The following CLMP variants were observed in gnomAD, a reference collection of about 807,000 sequenced individuals.
CLMP encodes CXADR-like membrane protein.
A neutral mutation model predicts 45.2 loss-of-function variants in CLMP; 27 were observed. The observed-to-expected ratio is 0.60, with a 90% CI of 0.44 to 0.82. CLMP has a LOEUF of 0.82. CLMP is among the 40% of genes least tolerant of loss of function. The pLI, the probability that CLMP is intolerant of heterozygous loss-of-function variation, is 0.00. For missense variants in CLMP, 403 were observed against 448.4 expected (o/e 0.90, Z 0.91); for synonymous variants, 167 against 171.4 (o/e 0.97, Z 0.20).
At chr11:123,129,926 T>TTC (rs976716293) in intron 1 of CLMP, among the ~76,000 whole-genome samples, 1 of 151,374 alleles carries the variant, frequency 6.6e-6, no homozygotes, top group Non-Finnish European at 1.5e-5. Flanking sequence ...ACTTTTTTTT[T>TTC]TTCCTGGAGG....
chr11:123,078,638 G>T (rs796149014), intron 5 of CLMP, among the ~76,000 whole-genome samples: 214 of 142,916 alleles, frequency 1.5e-3, no homozygotes, highest in Middle Eastern at 3.6e-3. Flanking sequence ...TGTTTTTTTT[G>T]GTTTTTTTTG....
Position 123,112,710 on chromosome 11 carries a change from A to C in CLMP, c.29-14758T>G, listed in dbSNP as rs374108415. Among the ~76,000 whole-genome samples the C allele has an allele frequency of 7.9e-5, 12 of 151,482 alleles. No individual in the cohort carries two copies. The East Asian group carries it at 2.4e-3, about 30-fold the overall frequency. On this transcript the variant is annotated intron_variant, in intron 1 of 6. Coordinates refer to ENST00000448775, the MANE Select transcript of CLMP (RefSeq NM_024769.5). ...AAGTTATTTACATTCTCTTATTGTC[A>C]CTGGGGATCTGAAATCACGGCAAAA...
intron 1 of CLMP, among the ~76,000 whole-genome samples, chr11:123,103,700 TTTTCTTTC>T (rs780440541): frequency 9.9e-5 from 15 of 151,286 alleles, no homozygotes; most frequent in Non-Finnish European, 1.5e-5. Context: ...GTCCCTTTTT[TTTTCTTTC>T]TTTCTTTCTT....
At chr11:123,167,283 ATTTC>A (rs989875508) in intron 1 of CLMP, among the ~76,000 whole-genome samples, 2 of 151,794 alleles carry the variant, frequency 1.3e-5, no homozygotes, top group African/African-American at 4.8e-5. Context: ...GATGTCTTTT[ATTTC>A]TTTCTTTCTT....
chr11:123,085,169 C>G (rs1591451191), intron 2 of CLMP, among the ~76,000 whole-genome samples: 1 of 147,058 alleles, frequency 6.8e-6, no homozygotes, highest in African/African-American at 2.6e-5. Context: ...TGTCGGCAAA[C>G]CTGCCTCCCA....
chr11:123,131,836 G>A (rs1188461529), intron 1 of CLMP, among the ~76,000 whole-genome samples: 1 of 151,946 alleles, frequency 6.6e-6, no homozygotes, highest in Non-Finnish European at 1.5e-5. Flanking sequence ...GGCTGGTTTC[G>A]AACTCCTAAC....
intron 1 of CLMP, among the ~76,000 whole-genome samples, chr11:123,186,616 A>C (rs1861838432): frequency 6.6e-6 from 1 of 151,370 alleles, no homozygotes; most frequent in Non-Finnish European, 1.5e-5. Flanking sequence ...TCCGCCTCCC[A>C]GGTTTGAATG....
At chr11:123,127,761 G>T (rs1007435326) in intron 1 of CLMP, among the ~76,000 whole-genome samples, 6 of 152,146 alleles carry the variant, frequency 3.9e-5, no homozygotes, top group Admixed American at 3.9e-4. Context: ...ACGTGGCCGG[G>T]CACGGTGGCT....
intron 1 of CLMP, among the ~76,000 whole-genome samples, chr11:123,117,183 G>GT (rs763330810): frequency 6.6e-6 from 1 of 152,002 alleles, no homozygotes; most frequent in African/African-American, 2.4e-5. Flanking sequence ...TCTGAAAATT[G>GT]TAAAATGCAT....
intron 1 of CLMP, among the ~76,000 whole-genome samples, chr11:123,113,451 G>A (rs1175101790): frequency 6.6e-6 from 1 of 152,176 alleles, no homozygotes; most frequent in African/African-American, 2.4e-5. Context: ...GATCAGGGAT[G>A]GCTTCATAGT....
intron 1 of CLMP, among the ~76,000 whole-genome samples, chr11:123,112,132 C>T (rs977718785): frequency 4.6e-5 from 7 of 152,090 alleles, no homozygotes; most frequent in Admixed American, 1.3e-4. Context: ...GCCCCAATGG[C>T]TTCAGGGAGA....
intron 1 of CLMP, among the ~76,000 whole-genome samples, chr11:123,186,583 G>A (rs138573855): frequency 1.7e-3 from 256 of 151,734 alleles, no homozygotes; most frequent in Middle Eastern, 0.01. Flanking sequence ...GCAGTGGCGT[G>A]ATCTCAACTC....
intron 2 of CLMP, among the ~76,000 whole-genome samples, chr11:123,093,531 C>T (rs78752870): frequency 0.035 from 4,967 of 143,430 alleles, 289 homozygotes; most frequent in African/African-American, 0.12. Flanking sequence ...TGTTTTTAGT[C>T]GAGAGAGGGT....
chr11:123,146,991 C>T (rs75090188), intron 1 of CLMP, among the ~76,000 whole-genome samples: 390 of 152,322 alleles, frequency 2.6e-3, no homozygotes, highest in African/African-American at 9.0e-3. Context: ...TCTATATATT[C>T]GAGCTCCTGA....
intron 1 of CLMP, among the ~76,000 whole-genome samples, chr11:123,133,271 T>G (rs539653065): frequency 6.6e-6 from 1 of 152,218 alleles, no homozygotes; most frequent in South Asian, 2.1e-4. Context: ...CTAGTCAGGC[T>G]CCTCTGGGTC....
chr11:123,136,292 C>T (rs1861069873), intron 1 of CLMP: 1 of 646,472 alleles, frequency 1.5e-6, no homozygotes, highest in East Asian at 3.6e-5. Context: ...TGGATTCCAC[C>T]ACTGGTGTCT....
rs147578437 is a variant in CLMP at position 123,074,839 on chromosome 11, T to C, written c.684A>G (p.Val228=). ...CTCCTGCAACCATGCCGATGCTTTG[T>C]ACATCTATTTTCTCAGAAGCAAAAG... The part of the protein sequence containing the change: ...SCVVRVTVQY[V]QSIGMVAGAV... Residue 228 remains valine (V), a synonymous_variant, in exon 6 of 7, where the codon GTA becomes GTG. Transcript: ENST00000448775. The C allele has an allele frequency of 1.1e-5, 18 of 1,611,770 alleles. No individual in the cohort carries two copies. The African/African-American group carries it at 1.2e-4, about 11-fold the overall frequency.
intron 1 of CLMP, among the ~76,000 whole-genome samples, chr11:123,161,703 C>T (rs977832470): frequency 6.6e-5 from 10 of 152,068 alleles, no homozygotes; most frequent in African/African-American, 2.4e-4. Flanking sequence ...AATAAACAAA[C>T]AAATATACAA....
intron 1 of CLMP, among the ~76,000 whole-genome samples, chr11:123,102,360 A>G (rs1860457374): frequency 6.9e-6 from 1 of 145,014 alleles, no homozygotes; most frequent in African/African-American, 2.6e-5. Flanking sequence ...GGCTCAGTGC[A>G]ACCTCCGACT....
Sources: gnomAD v4.1 joint callset for allele counts (sites outside exome capture counted in the v4.1 genomes callset) on GRCh38, gnomAD v4.1.1 for gene constraint, MANE v1.5 for transcripts, NCBI Gene and HGNC (gene_info 2026-07-23, HGNC 2026-07-21) for gene names.